Variants in DCDC2 observed in about 807,000 individuals in gnomAD.
DCDC2 encodes the protein doublecortin domain containing 2, also known as doublecortin domain-containing protein 2.
A neutral mutation model predicts 50.2 loss-of-function variants in DCDC2; 40 were observed. The ratio of observed to expected loss-of-function variants is 0.80; its 90% CI spans 0.62 to 1.04. DCDC2 has a LOEUF of 1.04. Ranked by LOEUF, DCDC2 falls within the 50% of genes least tolerant of loss-of-function variation. DCDC2 has a pLI of 0.00. For synonymous variants in DCDC2, 234 were observed against 210.6 expected, an observed-to-expected ratio of 1.11 and a Z score of -0.96; for missense variants, 570 against 581.9, an observed-to-expected ratio of 0.98 and a Z score of 0.21.
chr6:24,306,648 T>C (rs1197778763), intron 2 of DCDC2, among the ~76,000 whole-genome samples: 1 of 152,186 alleles, frequency 6.6e-6, no homozygotes, highest in Non-Finnish European at 1.5e-5. Flanking sequence ...CCTGCTGGAA[T>C]GGGATGAGCT....
chr6:24,361,976 T>C (rs7758878), upstream of DCDC2, among the ~76,000 whole-genome samples: 61,738 of 151,924 alleles, frequency 0.41, 13,445 homozygotes, highest in African/African-American at 0.56. Flanking sequence ...TTTGCCAATC[T>C]CTGTAGTTTA....
chr6:24,345,623 G>A (rs977833295), intron 2 of DCDC2, among the ~76,000 whole-genome samples: 2 of 152,104 alleles, frequency 1.3e-5, no homozygotes, highest in Non-Finnish European at 2.9e-5. Context: ...CTACTCTCTG[G>A]GAAGATTTTC....
At chr6:24,237,009 C>CAA (rs34576545) in intron 7 of DCDC2, among the ~76,000 whole-genome samples, 58,360 of 143,660 alleles carry the variant, frequency 0.41, 14,272 homozygotes, top group Non-Finnish European at 0.55. Context: ...AGCTCTGACT[C>CAA]AAAAAAAAAA....
rs142544971 is a variant in DCDC2 at position 24,181,946 on chromosome 6, G to C, written c.1024-3314C>G. 1.9e-3 allele frequency among the ~76,000 whole-genome samples: 286 copies of C among 152,248 alleles called. 1 individual carries two copies. Among genetic ancestry groups the C allele is most frequent in the African/African-American group, 6.5e-3 (272 of 41,532 alleles). Reference sequence around the variant, plus strand: ...AAGCTACAATAACCAAAACCAGAGTGGTCCTGGAATTAAGACAGATATATA... The same window carrying C: ...AAGCTACAATAACCAAAACCAGAGTCGTCCTGGAATTAAGACAGATATATA... On this transcript the variant is annotated intron_variant, in intron 8 of 9. Transcript: ENST00000378454.
intron 7 of DCDC2, among the ~76,000 whole-genome samples, chr6:24,271,259 A>G (rs188855975): frequency 0.014 from 2,110 of 151,412 alleles, 16 homozygotes; most frequent in Middle Eastern, 0.044. Context: ...AAAAAAAAGA[A>G]AAAAAGAGAA....
Position 24,212,053 on chromosome 6 carries a change from A to G in DCDC2, c.923-6951T>C, listed in dbSNP as rs1417385086. Among the ~76,000 whole-genome samples the G allele has an allele frequency of 3.3e-5, 5 of 152,168 alleles. No individual in the cohort carries two copies. In the East Asian group the frequency reaches 5.8e-4, roughly 18 times the overall value. On this transcript the variant is annotated intron_variant, in intron 7 of 9. Transcript: ENST00000378454. ...ATTGCCACCTGAGCTCCACCCTCCC[A>G]TCAGATCAGCAGCAGCATTAGATTC...
At chr6:24,265,331 A>G (rs1032458323) in intron 7 of DCDC2, among the ~76,000 whole-genome samples, 3 of 152,188 alleles carry the variant, frequency 2.0e-5, no homozygotes, top group African/African-American at 7.2e-5. Flanking sequence ...GAAGACTTCA[A>G]CACCCCCACT....
intron 2 of DCDC2, among the ~76,000 whole-genome samples, chr6:24,337,335 T>G (rs1452886904): frequency 6.6e-6 from 1 of 152,132 alleles, no homozygotes; most frequent in Non-Finnish European, 1.5e-5. Context: ...AGCCTTTTTA[T>G]AAGCAGATAT....
At chr6:24,285,211 G>A (rs532946094) in intron 6 of DCDC2, among the ~76,000 whole-genome samples, 44 of 152,250 alleles carry the variant, frequency 2.9e-4, no homozygotes, top group African/African-American at 8.2e-4. Context: ...GGTGCTACGG[G>A]AACACTGTGG....
chr6:24,308,003 G>A (rs144347651), intron 2 of DCDC2, among the ~76,000 whole-genome samples: 22 of 152,258 alleles, frequency 1.4e-4, no homozygotes, highest in African/African-American at 5.1e-4. Context: ...GGGCACAAAA[G>A]GCAGAGGAAT....
chr6:24,214,042 A>C (rs1214392394), intron 7 of DCDC2, among the ~76,000 whole-genome samples: 2 of 152,194 alleles, frequency 1.3e-5, no homozygotes, highest in Non-Finnish European at 2.9e-5. Flanking sequence ...TCTTTACAGA[A>C]ACAAGAATAT....
At chr6:24,381,415 T>C in the DCDC2 span, among the ~76,000 whole-genome samples, 1 of 152,134 alleles carries the variant, frequency 6.6e-6, no homozygotes, top group Non-Finnish European at 1.5e-5. Context: ...GTAGAATCTT[T>C]AAAAAGAGAG....
intron 8 of DCDC2, among the ~76,000 whole-genome samples, chr6:24,196,111 C>T (rs912099825): frequency 2.0e-5 from 3 of 152,072 alleles, no homozygotes; most frequent in Admixed American, 6.5e-5. Context: ...TAGCTAATGG[C>T]CTTAGAGAGA....
intron 2 of DCDC2, among the ~76,000 whole-genome samples, chr6:24,351,269 G>T (rs7775357): frequency 6.6e-6 from 1 of 151,984 alleles, no homozygotes; most frequent in African/African-American, 2.4e-5. Context: ...ACTTTGGGGA[G>T]GAAGGTATCT....
intron 2 of DCDC2, among the ~76,000 whole-genome samples, chr6:24,322,492 CT>C (rs56932924): frequency 2.7e-4 from 38 of 142,338 alleles, no homozygotes; most frequent in African/African-American, 4.9e-4. Context: ...GTTTTCCTTC[CT>C]TTTTTTTTTT....
chr6:24,182,629 G>GAAAAAAAAAAAAAAAAAAAAAAAAA (rs71002473), intron 8 of DCDC2, among the ~76,000 whole-genome samples: 4 of 105,940 alleles, frequency 3.8e-5, no homozygotes, highest in East Asian at 3.3e-4. Context: ...ATGATGACAA[G>GAAAAAAAAAAAAAAAAAAAAAAAAA]AAAAAAAAAA....
intron 6 of DCDC2, among the ~76,000 whole-genome samples, chr6:24,284,897 T>A (rs1057125761): frequency 3.9e-5 from 6 of 152,152 alleles, no homozygotes; most frequent in Admixed American, 6.5e-5. Context: ...AAGGTCTCAG[T>A]TTCAGACAAT....
chr6:24,339,567 G>T (rs1046608624), intron 2 of DCDC2, among the ~76,000 whole-genome samples: 1 of 152,096 alleles, frequency 6.6e-6, no homozygotes, highest in Non-Finnish European at 1.5e-5. Context: ...ATGAAAGAAG[G>T]CTTAAAATAA....
chr6:24,308,509 AT>A (rs1201682184), intron 2 of DCDC2, among the ~76,000 whole-genome samples: 1 of 152,206 alleles, frequency 6.6e-6, no homozygotes, highest in Non-Finnish European at 1.5e-5. Flanking sequence ...TTTATACAAA[AT>A]TTCATACAAA....
Sources: allele counts gnomAD v4.1 joint callset (sites outside exome capture counted in the v4.1 genomes callset), GRCh38; gene constraint gnomAD v4.1.1; transcripts MANE v1.5; gene names NCBI Gene and HGNC (gene_info 2026-07-23, HGNC 2026-07-21).